KLF12: variants seen among roughly 807,000 people sequenced by gnomAD.
The protein encoded by KLF12 is KLF transcription factor 12.
In KLF12, 9 loss-of-function variants were observed where a neutral mutation model predicts 37.8. The observed-to-expected ratio is 0.24, with a 90% CI of 0.14 to 0.42. The LOEUF (loss-of-function observed/expected upper bound fraction) is 0.42. Ranked by LOEUF, KLF12 falls within the 10% of genes least tolerant of loss-of-function variation. KLF12 has a pLI of 1.00. For synonymous variants in KLF12, 208 were observed against 202.1 expected, an observed-to-expected ratio of 1.03 and a Z score of -0.25; for missense variants, 411 against 516.0, an observed-to-expected ratio of 0.80 and a Z score of 1.97.
At chr13:74,232,639 A>G in the KLF12 span, among the ~76,000 whole-genome samples, 32 of 152,332 alleles carry the variant, frequency 2.1e-4, no homozygotes, top group African/African-American at 6.7e-4. Context: ...AATTGAAACT[A>G]TATCAACAAA....
chr13:74,078,471 G>A (rs1397145377), intron 1 of KLF12, among the ~76,000 whole-genome samples: 1 of 152,062 alleles, frequency 6.6e-6, no homozygotes, highest in Non-Finnish European at 1.5e-5. Flanking sequence ...CTGTTACAAG[G>A]CATAATTATA....
At chr13:74,109,840 G>A (rs554393308) in intron 1 of KLF12, among the ~76,000 whole-genome samples, 2 of 152,098 alleles carry the variant, frequency 1.3e-5, no homozygotes, top group South Asian at 2.1e-4. Flanking sequence ...TATGAAAACC[G>A]ATCCGTTTTT....
At chr13:74,082,497 C>T (rs1263070190) in intron 1 of KLF12, among the ~76,000 whole-genome samples, 2 of 152,170 alleles carry the variant, frequency 1.3e-5, no homozygotes, top group Non-Finnish European at 2.9e-5. Context: ...TTTAGCACCA[C>T]ACTTGGTTCT....
At chr13:74,199,137 C>T in the KLF12 span, among the ~76,000 whole-genome samples, 4,855 of 152,274 alleles carry the variant, frequency 0.032, 116 homozygotes, top group Middle Eastern at 0.071. Flanking sequence ...GAAGTCAGTG[C>T]GGATCGAAAG....
chr13:73,997,152 C>A (rs1892144492), intron 1 of KLF12, among the ~76,000 whole-genome samples: 3 of 152,132 alleles, frequency 2.0e-5, no homozygotes, highest in African/African-American at 7.2e-5. Context: ...TCATCTCTTG[C>A]CTTTCAGCCC....
chr13:73,933,234 G>C (rs932235200), intron 3 of KLF12, among the ~76,000 whole-genome samples: 5 of 152,120 alleles, frequency 3.3e-5, no homozygotes, highest in Admixed American at 6.5e-5. Context: ...GGCCTACTTT[G>C]ATATGAATAC....
the KLF12 span, among the ~76,000 whole-genome samples, chr13:74,269,066 T>C: frequency 1.3e-5 from 2 of 152,196 alleles, no homozygotes; most frequent in Non-Finnish European, 2.9e-5. Context: ...TAAAAATGGC[T>C]TAAAGGTGAC....
chr13:74,143,580 G>A, the KLF12 span, among the ~76,000 whole-genome samples: 1 of 152,128 alleles, frequency 6.6e-6, no homozygotes, highest in East Asian at 1.9e-4. Context: ...CTCAAGGTGA[G>A]CCTTGCTAAT....
intron 3 of KLF12, 54 bp from the exon 4 acceptor site, chr13:73,846,427 C>T (rs771862192): frequency 1.0e-5 from 15 of 1,441,640 alleles, no homozygotes; most frequent in Admixed American, 4.1e-5. Context: ...CACATTTTAT[C>T]GATGCATGGC....
At chr13:74,040,936 C>T (rs1893384635) in intron 1 of KLF12, among the ~76,000 whole-genome samples, 1 of 152,150 alleles carries the variant, frequency 6.6e-6, no homozygotes, top group Non-Finnish European at 1.5e-5. Context: ...TATTAGTTGC[C>T]AAGTCCTACA....
rs149831758 is a variant in KLF12 at position 74,058,977 on chromosome 13, G to A, written c.-31-63924C>T. 1.6e-3 allele frequency among the ~76,000 whole-genome samples: 239 copies of A among 152,276 alleles called. 1 individual carries two copies. Among genetic ancestry groups the A allele is most frequent in the African/African-American group, 5.3e-3 (221 of 41,556 alleles). On this transcript the variant is annotated intron_variant, in intron 1 of 7. Coordinates refer to ENST00000377669, the MANE Select transcript of KLF12 (RefSeq NM_007249.5). ...ATCTCCTGCCTTTTGGAGTCCCCCA[G>A]TGTCTATTGTTTATGACTATGTGGA... is the stretch of plus-strand genomic sequence containing the variant.
the KLF12 span, among the ~76,000 whole-genome samples, chr13:74,145,920 A>T: frequency 1.3e-5 from 2 of 152,204 alleles, no homozygotes; most frequent in African/African-American, 2.4e-5. Flanking sequence ...ACAGAGTCTA[A>T]GAATTATCTT....
chr13:74,264,974 T>A, the KLF12 span, among the ~76,000 whole-genome samples: 4 of 152,140 alleles, frequency 2.6e-5, no homozygotes, highest in African/African-American at 9.7e-5. Flanking sequence ...TTATTGATCA[T>A]GCTAAAGAAA....
At chr13:73,706,201 T>C (rs1566308823) in intron 7 of KLF12, among the ~76,000 whole-genome samples, 1 of 152,084 alleles carries the variant, frequency 6.6e-6, no homozygotes, top group Non-Finnish European at 1.5e-5. Context: ...ATCTTTAACT[T>C]TGCACTGTCA....
intron 1 of KLF12, among the ~76,000 whole-genome samples, chr13:74,058,261 C>T (rs534832388): frequency 2.0e-5 from 3 of 150,050 alleles, no homozygotes; most frequent in South Asian, 2.1e-4. Context: ...GCCACTGTGC[C>T]CGGCCAGCTA....
chr13:73,887,358 G>A (rs1178182328), intron 3 of KLF12, among the ~76,000 whole-genome samples: 1 of 152,212 alleles, frequency 6.6e-6, no homozygotes, highest in African/African-American at 2.4e-5. Flanking sequence ...GGAGCTAACT[G>A]GATCATGGGG....
At chr13:73,716,458 C>T (rs546129130) in intron 6 of KLF12, among the ~76,000 whole-genome samples, 80 of 152,264 alleles carry the variant, frequency 5.3e-4, no homozygotes, top group African/African-American at 1.9e-3. Flanking sequence ...AGCTTGTTCA[C>T]ATTTTGATGC....
At chr13:74,025,696 G>A (rs1892960334) in intron 1 of KLF12, among the ~76,000 whole-genome samples, 2 of 152,276 alleles carry the variant, frequency 1.3e-5, no homozygotes, top group South Asian at 4.1e-4. Context: ...ATTTAGAACT[G>A]TCCAGGTTTA....
the KLF12 span, among the ~76,000 whole-genome samples, chr13:74,148,977 G>C: frequency 2.0e-5 from 3 of 152,118 alleles, no homozygotes; most frequent in Non-Finnish European, 2.9e-5. Flanking sequence ...ACCAGGCCCA[G>C]CTAATTTTTG....
Sources: gnomAD v4.1 joint callset for allele counts (sites outside exome capture counted in the v4.1 genomes callset) on GRCh38, gnomAD v4.1.1 for gene constraint, MANE v1.5 for transcripts, NCBI Gene and HGNC (gene_info 2026-07-23, HGNC 2026-07-21) for gene names.